Variants in STS observed in about 807,000 individuals in gnomAD.
The protein encoded by STS is steryl-sulfatase.
STS carries 7 observed loss-of-function variants against 26.8 expected under a neutral mutation model. The ratio of observed to expected loss-of-function variants is 0.26; its 90% CI spans 0.15 to 0.49. The LOEUF is 0.49. Among genes scored for constraint, STS ranks in the 20% least tolerant of loss-of-function variants. The pLI is 0.98. For missense variants in STS, 434 were observed against 465.6 expected (o/e 0.93, Z 0.63); for synonymous variants, 199 against 189.4 (o/e 1.05, Z -0.42).
intron 7 of STS, among the ~76,000 whole-genome samples, chrX:7,293,946 A>AC (rs754657740): frequency 1.8e-5 from 2 of 110,932 alleles, no homozygotes; most frequent in South Asian, 7.7e-4. Flanking sequence ...ACAAAGTAAG[A>AC]CCCCATCTCT....
chrX:7,320,263 C>A (rs1367358782), intron 8 of STS, among the ~76,000 whole-genome samples: 1 of 105,092 alleles, frequency 9.5e-6, no homozygotes, highest in African/African-American at 3.5e-5. Flanking sequence ...ATTTTTCACC[C>A]AGCTATCTGC....
chrX:7,276,829 A>G (rs1924562953), intron 7 of STS, among the ~76,000 whole-genome samples: 2 of 111,961 alleles, frequency 1.8e-5, no homozygotes, highest in Admixed American at 9.4e-5. Context: ...AAATAACCCT[A>G]TTTCTGAGAA....
At chrX:7,189,217 A>G (rs765322842) in intron 1 of STS, among the ~76,000 whole-genome samples, 1 of 111,785 alleles carries the variant, frequency 8.9e-6, no homozygotes, top group South Asian at 3.7e-4. Flanking sequence ...ATAGATTTAT[A>G]TATTAATAAA....
Position 7,214,971 on chromosome X carries a change from T to C in STS, c.-5+23963T>C, listed in dbSNP as rs942862818. 5.8e-5 allele frequency among the ~76,000 whole-genome samples: 4 copies of C among 68,986 alleles called. No individual in the cohort carries two copies. In the South Asian group the frequency reaches 1.7e-3, roughly 30 times the overall value. 59.9% of individuals were successfully genotyped at this position (68,986 alleles called of 115,157 possible). ...TATATACGTATATATATATTATATA[T>C]GTATATATACATATATATACGTATA... On this transcript the variant is annotated intron_variant, in intron 2 of 10. Coordinates refer to ENST00000674429, the MANE Select transcript of STS (RefSeq NM_001320752.2).
intron 2 of STS, among the ~76,000 whole-genome samples, chrX:7,213,745 C>A (rs961828432): frequency 1.8e-5 from 2 of 111,430 alleles, no homozygotes; most frequent in African/African-American, 6.5e-5. Context: ...TCCCAGTTGG[C>A]TTTTCACTTC....
At chrX:7,349,781 C>T (rs1928704658) in intron 10 of STS, 107 bp from the exon 11 acceptor site, 3 of 1,081,383 alleles carry the variant, frequency 2.8e-6, no homozygotes, top group Non-Finnish European at 3.8e-6. Context: ...ATGATATCTT[C>T]ACCTTCTTAA....
chrX:7,175,758 A>C (rs1933558683), intron 1 of STS, among the ~76,000 whole-genome samples: 1 of 111,866 alleles, frequency 8.9e-6, no homozygotes, highest in Non-Finnish European at 1.9e-5. Context: ...CTGTGCCTTC[A>C]GTACTTCCTC....
At chrX:7,247,848 A>G (rs747687223) in intron 2 of STS, among the ~76,000 whole-genome samples, 26 of 112,124 alleles carry the variant, frequency 2.3e-4, no homozygotes, top group Middle Eastern at 4.6e-3. Context: ...CCAAATGTCA[A>G]TAGTGCAGAG....
At chrX:7,321,970 G>A (rs778633808) in intron 8 of STS, among the ~76,000 whole-genome samples, 5 of 112,308 alleles carry the variant, frequency 4.5e-5, no homozygotes, top group Non-Finnish European at 7.5e-5. Flanking sequence ...ATCCCTCAAC[G>A]GGAGGTGTTG....
At chrX:7,222,218 C>T (rs1921599668) in intron 2 of STS, among the ~76,000 whole-genome samples, 1 of 111,801 alleles carries the variant, frequency 8.9e-6, no homozygotes. Context: ...TAAGCCACTT[C>T]GTCTATCGTA....
intron 2 of STS, among the ~76,000 whole-genome samples, chrX:7,235,082 C>T (rs1046730625): frequency 9.0e-6 from 1 of 111,578 alleles, no homozygotes; most frequent in Non-Finnish European, 1.9e-5. Flanking sequence ...AATTTGGTAC[C>T]TTGTAAATAA....
At chrX:7,274,279 G>A (rs1924425002) in intron 6 of STS, among the ~76,000 whole-genome samples, 1 of 111,228 alleles carries the variant, frequency 9.0e-6, no homozygotes, top group African/African-American at 3.3e-5. Context: ...TGGGGAGTGG[G>A]CAGTGAGGCA....
intron 7 of STS, among the ~76,000 whole-genome samples, chrX:7,286,484 A>G (rs1196459769): frequency 1.8e-5 from 2 of 110,749 alleles, no homozygotes; most frequent in Admixed American, 9.8e-5. Flanking sequence ...AGGGGCTGGT[A>G]TTAAGCCTCT....
chrX:7,328,857 A>C lies in STS; in HGVS notation c.1241+3359A>C, dbSNP rs35161590. 6.8e-3 allele frequency among the ~76,000 whole-genome samples: 747 copies of C among 110,423 alleles called. 1 individual carries two copies. Among genetic ancestry groups the C allele is most frequent in the Non-Finnish European group, 9.9e-3 (521 of 52,767 alleles). The stretch of plus-strand genomic sequence containing the variant: ...AATACAGGTGCGCACCATCACGCCC[A>C]GCTAATTTTTGTATTTTTAGTAGAG... On this transcript the variant is annotated intron_variant, in intron 9 of 10. Coordinates refer to ENST00000674429, the MANE Select transcript of STS (RefSeq NM_001320752.2).
In STS at chrX:7,351,346, G is replaced by A. The variant is rs1928787793; in HGVS notation, c.*1085G>A. The stretch of plus-strand genomic sequence containing the variant: ...GAGAACAGTCATGTATGCAAGTTTT[G>A]TGACTGAGAAATTTCTGTGCTTCCA... On this transcript the variant is annotated 3_prime_UTR_variant, in exon 11 of 11. Coordinates refer to ENST00000674429, the MANE Select transcript of STS (RefSeq NM_001320752.2). 1 of 112,017 alleles carries A rather than the reference G, an allele frequency of 8.9e-6. No homozygotes were observed. Among genetic ancestry groups the A allele is most frequent in the Non-Finnish European group, 1.9e-5 (1 of 53,239 alleles). 9.2% of individuals were successfully genotyped at this position (112,017 alleles called of 1,213,427 possible).
rs757758272 is a variant in STS at position 7,257,259 on chromosome X, G to A, written c.155G>A (p.Arg52Gln). The A allele has an allele frequency of 5.0e-6, 6 of 1,210,915 alleles. No individual in the cohort carries two copies. Among genetic ancestry groups the A allele is most frequent in the East Asian group, 3.0e-5 (1 of 33,824 alleles). The part of the protein sequence containing the change: ...NKTIRTPNID[R>Q]LASGGVKLTQ... ...TGTTCTAGGACTCCCAATATCGACC[G>A]GTTGGCCAGTGGGGGAGTGAAACTC... Residue 52 changes from arginine (R) to glutamine (Q), a missense_variant, in exon 4 of 11, where the codon CGG becomes CAG. By Grantham distance (43) the Arg-to-Gln change is conservative. This residue lies in a region of STS where 229 missense variants were observed against 288.3 expected (regional missense o/e 0.79). Coordinates refer to ENST00000674429, the MANE Select transcript of STS (RefSeq NM_001320752.2).
intron 2 of STS, chrX:7,219,811 T>C: frequency 1.2e-6 from 1 of 844,223 alleles, no homozygotes; most frequent in Non-Finnish European, 1.7e-6. Context: ...TGTTCTTGTT[T>C]CTTAAATCTG....
chrX:7,212,894 T>A (rs1020997513), intron 2 of STS, among the ~76,000 whole-genome samples: 1 of 112,278 alleles, frequency 8.9e-6, no homozygotes, highest in Non-Finnish European at 1.9e-5. Flanking sequence ...TCCCACTTCC[T>A]TAATGTTTCT....
At chrX:7,187,206 G>A (rs775239817) in intron 1 of STS, among the ~76,000 whole-genome samples, 6 of 112,040 alleles carry the variant, frequency 5.4e-5, no homozygotes, top group African/African-American at 1.6e-4. Flanking sequence ...GCAAATTCTC[G>A]GCACCATACT....
Sources: allele counts gnomAD v4.1 joint callset (sites outside exome capture counted in the v4.1 genomes callset), GRCh38; gene constraint gnomAD v4.1.1; regional missense constraint gnomAD v4.1.1; transcripts MANE v1.5; gene names NCBI Gene and HGNC (gene_info 2026-07-23, HGNC 2026-07-21).